The following STARD13 variants were observed in gnomAD, a reference collection of about 807,000 sequenced individuals.
The protein encoded by STARD13 is stAR-related lipid transfer protein 13.
In STARD13, 62 loss-of-function variants were observed where a neutral mutation model predicts 106.4. The ratio of observed to expected loss-of-function variants is 0.58; its 90% CI spans 0.48 to 0.72. The LOEUF (loss-of-function observed/expected upper bound fraction) is 0.72. Among genes scored for constraint, STARD13 ranks in the 30% least tolerant of loss-of-function variants. The pLI, the probability that STARD13 is intolerant of heterozygous loss-of-function variation, is 0.00. For missense variants in STARD13, 1,387 were observed against 1,424.0 expected, an observed-to-expected ratio of 0.97 and a Z score of 0.42; for synonymous variants, 565 against 553.0, an observed-to-expected ratio of 1.02 and a Z score of -0.31.
At chr13:33,585,553 G>A in the STARD13 span, among the ~76,000 whole-genome samples, 1 of 152,110 alleles carries the variant, frequency 6.6e-6, no homozygotes, top group Non-Finnish European at 1.5e-5. Flanking sequence ...AATTAGCAAG[G>A]TGTGGTGGTA....
the STARD13 span, among the ~76,000 whole-genome samples, chr13:33,595,907 T>G: frequency 1.7e-4 from 26 of 152,326 alleles, no homozygotes; most frequent in Admixed American, 1.5e-3. Context: ...CTAATTGTCC[T>G]GAAGCTTAGC....
At chr13:33,432,945 C>T in the STARD13 span, among the ~76,000 whole-genome samples, 2 of 152,160 alleles carry the variant, frequency 1.3e-5, no homozygotes, top group South Asian at 4.1e-4. Flanking sequence ...AACAATATGC[C>T]ATAAATAAAA....
chr13:33,411,028 A>G, the STARD13 span, among the ~76,000 whole-genome samples: 2 of 152,264 alleles, frequency 1.3e-5, no homozygotes, highest in East Asian at 1.9e-4. Context: ...GAAGCTGTTT[A>G]ATTTGTTAAT....
the STARD13 span, among the ~76,000 whole-genome samples, chr13:33,437,419 T>A: frequency 3.3e-5 from 5 of 152,148 alleles, no homozygotes; most frequent in Non-Finnish European, 7.3e-5. Flanking sequence ...AATAAACCCC[T>A]TCCTTCTTTA....
the STARD13 span, among the ~76,000 whole-genome samples, chr13:33,388,892 C>T: frequency 6.6e-6 from 1 of 151,920 alleles, no homozygotes; most frequent in Non-Finnish European, 1.5e-5. Flanking sequence ...GCTCCTAGTA[C>T]CTCGCTGACT....
intron 1 of STARD13, among the ~76,000 whole-genome samples, chr13:33,251,882 G>A (rs960356743): frequency 1.3e-5 from 2 of 152,130 alleles, no homozygotes; most frequent in Non-Finnish European, 2.9e-5. Flanking sequence ...ACCTAATCCT[G>A]AACACAATTT....
At chr13:33,433,128 T>G in the STARD13 span, among the ~76,000 whole-genome samples, 1 of 152,214 alleles carries the variant, frequency 6.6e-6, no homozygotes, top group South Asian at 2.1e-4. Context: ...AAATTGATAC[T>G]TCGGTGCTTC....
the STARD13 span, among the ~76,000 whole-genome samples, chr13:33,594,977 C>T: frequency 6.6e-6 from 1 of 152,156 alleles, no homozygotes. Flanking sequence ...AACATAGGTG[C>T]ACAAATATTT....
chr13:33,270,205 T>C (rs1356773632), intron 1 of STARD13, among the ~76,000 whole-genome samples: 5 of 152,154 alleles, frequency 3.3e-5, no homozygotes, highest in Non-Finnish European at 7.4e-5. Context: ...CATTGCACTC[T>C]AGCCTGGGCA....
the STARD13 span, among the ~76,000 whole-genome samples, chr13:33,468,649 T>C: frequency 2.8e-5 from 4 of 144,874 alleles, no homozygotes; most frequent in East Asian, 9.1e-4. Flanking sequence ...GCAAGAAGAC[T>C]CTCACCAGAT....
At chr13:33,107,979 G>C (rs999797978) in intron 12 of STARD13, among the ~76,000 whole-genome samples, 2 of 152,328 alleles carry the variant, frequency 1.3e-5, no homozygotes, top group East Asian at 3.9e-4. Flanking sequence ...ATATGTGCTT[G>C]ACAAGAACTT....
chr13:33,236,375 G>A lies in STARD13; in HGVS notation c.169+49095C>T, dbSNP rs1461974703. 2.0e-5 allele frequency among the ~76,000 whole-genome samples: 3 copies of A among 152,212 alleles called. No individual in the cohort carries two copies. In the East Asian group the frequency reaches 5.8e-4, roughly 29 times the overall value. Reference sequence around the variant, plus strand: ...AGAGGAATAAGGAAGGACCAGGTGCGAGGAGTTCCCTGGGTTCGGTGGAAA... The same window carrying A: ...AGAGGAATAAGGAAGGACCAGGTGCAAGGAGTTCCCTGGGTTCGGTGGAAA... On this transcript the variant is annotated intron_variant, in intron 1 of 13. Coordinates refer to ENST00000336934, the MANE Select transcript of STARD13 (RefSeq NM_178006.4).
At chr13:33,587,953 A>G in the STARD13 span, among the ~76,000 whole-genome samples, 5 of 152,232 alleles carry the variant, frequency 3.3e-5, no homozygotes, top group Non-Finnish European at 5.9e-5. Flanking sequence ...ATTAAAATCA[A>G]CGTCTCCTTT....
intron 1 of STARD13, among the ~76,000 whole-genome samples, chr13:33,297,731 T>C (rs1892552301): frequency 6.6e-6 from 1 of 152,180 alleles, no homozygotes; most frequent in Non-Finnish European, 1.5e-5. Context: ...AAATATTCTA[T>C]TGTATGACTA....
intron 1 of STARD13, among the ~76,000 whole-genome samples, chr13:33,198,186 A>T (rs7332950): frequency 0.22 from 34,241 of 152,206 alleles, 4,622 homozygotes; most frequent in South Asian, 0.37. Context: ...AAAACAAAAG[A>T]AAAGCTGTTT....
At chr13:33,560,536 CCG>C in the STARD13 span, among the ~76,000 whole-genome samples, 1 of 151,152 alleles carries the variant, frequency 6.6e-6, no homozygotes, top group Non-Finnish European at 1.5e-5. Context: ...GTCTTACATC[CCG>C]TGGGTCACAA....
the STARD13 span, among the ~76,000 whole-genome samples, chr13:33,494,643 C>G: frequency 6.6e-6 from 1 of 152,078 alleles, no homozygotes; most frequent in African/African-American, 2.4e-5. Flanking sequence ...CAGTGGTCAA[C>G]AGGATTGACT....
intron 1 of STARD13, among the ~76,000 whole-genome samples, chr13:33,318,849 G>A (rs1038927460): frequency 9.9e-5 from 15 of 152,052 alleles, no homozygotes; most frequent in African/African-American, 2.7e-4. Context: ...TCAAAACCAC[G>A]ATGAGATACC....
intron 1 of STARD13, among the ~76,000 whole-genome samples, chr13:33,334,523 C>T (rs1255027657): frequency 6.6e-6 from 1 of 152,182 alleles, no homozygotes; most frequent in Non-Finnish European, 1.5e-5. Context: ...GGGCCTGACA[C>T]ACAGCGGACC....
Sources: gnomAD v4.1 joint callset for allele counts (sites outside exome capture counted in the v4.1 genomes callset) on GRCh38, gnomAD v4.1.1 for gene constraint, MANE v1.5 for transcripts, NCBI Gene and HGNC (gene_info 2026-07-23, HGNC 2026-07-21) for gene names.